The following MYCBP2 variants were observed in gnomAD, a reference collection of about 807,000 sequenced individuals.
MYCBP2 encodes E3 ubiquitin-protein ligase MYCBP2.
A neutral mutation model predicts 525.3 loss-of-function variants in MYCBP2; 120 were observed. The ratio of observed to expected loss-of-function variants is 0.23; its 90% CI spans 0.20 to 0.27. The LOEUF is 0.27. Ranked by LOEUF, MYCBP2 falls within the 10% of genes least tolerant of loss-of-function variation. The probability of loss-of-function intolerance (pLI) is 1.00; values close to 1 mark genes in which losing one functional copy is unlikely to be tolerated. For synonymous variants in MYCBP2, 1,894 were observed against 1,955.8 expected, an observed-to-expected ratio of 0.97 and a Z score of 0.83; for missense variants, 4,149 against 5,657.1, an observed-to-expected ratio of 0.73 and a Z score of 8.55.
At chr13:77,209,819 C>A (rs1310023306) in intron 23 of MYCBP2, among the ~76,000 whole-genome samples, 1 of 152,212 alleles carries the variant, frequency 6.6e-6, no homozygotes, top group Non-Finnish European at 1.5e-5. Flanking sequence ...AGTCTCTTCA[C>A]TCTGAATGCA....
At chr13:77,272,286 C>A (rs983525631) in intron 5 of MYCBP2, 5 of 152,260 alleles carry the variant, frequency 3.3e-5, no homozygotes, top group African/African-American at 1.2e-4. Context: ...CCAAAAATTT[C>A]TCCTGGCTGA....
chr13:77,247,470 G>T (rs144244516), intron 15 of MYCBP2, among the ~76,000 whole-genome samples: 302 of 152,240 alleles, frequency 2.0e-3, no homozygotes, highest in African/African-American at 6.6e-3. Context: ...TGGATTAGAA[G>T]ACTTAATGTT....
chr13:77,091,129 T>C (rs957259), intron 59 of MYCBP2, among the ~76,000 whole-genome samples: 66,912 of 151,732 alleles, frequency 0.44, 18,494 homozygotes, highest in Non-Finnish European at 0.62. Flanking sequence ...TTGGTAAAAT[T>C]ATCTATTTTC....
rs1355243694 is a variant in MYCBP2, at chr13:77,217,743, T to C, written c.3057+97A>G. 8.1e-6 allele frequency: 5 copies of C among 619,854 alleles called. No individual in the cohort carries two copies. The East Asian group carries it at 1.6e-4, about 20-fold the overall frequency. 38.4% of individuals were successfully genotyped at this position (619,854 alleles called of 1,614,324 possible). On this transcript the variant is annotated intron_variant, in intron 21 of 82. Transcript: ENST00000544440. ...ATATGTAACAATTATAATATAATTG[T>C]TATATTATATTCTGGAAACAGAAAA...
At chr13:77,145,509 T>C in intron 48 of MYCBP2, among the ~76,000 whole-genome samples, 1 of 152,148 alleles carries the variant, frequency 6.6e-6, no homozygotes, top group East Asian at 1.9e-4. Flanking sequence ...GCCATCTCAA[T>C]ATAGATGATT....
chr13:77,183,838 G>A (rs894677826), intron 32 of MYCBP2, among the ~76,000 whole-genome samples: 11 of 152,008 alleles, frequency 7.2e-5, no homozygotes, highest in Non-Finnish European at 7.4e-5. Context: ...ATGAGCCACC[G>A]TGCCCGGTGA....
At chr13:77,316,182 C>T (rs1045009870) in intron 1 of MYCBP2, among the ~76,000 whole-genome samples, 1 of 151,932 alleles carries the variant, frequency 6.6e-6, no homozygotes, top group African/African-American at 2.4e-5. Flanking sequence ...AGGGAATTTA[C>T]AAAACTATTA....
chr13:77,249,497 T>C (rs1025956902), intron 15 of MYCBP2, among the ~76,000 whole-genome samples: 1 of 152,194 alleles, frequency 6.6e-6, no homozygotes, highest in Non-Finnish European at 1.5e-5. Flanking sequence ...AGATAATTTA[T>C]AGATTTTGTT....
At chr13:77,318,811 T>C (rs1299070901) in intron 1 of MYCBP2, among the ~76,000 whole-genome samples, 2 of 152,206 alleles carry the variant, frequency 1.3e-5, no homozygotes, top group Non-Finnish European at 2.9e-5. Context: ...GTGTGCCTGT[T>C]AGACACAGAA....
chr13:77,082,064 A>T, intron 63 of MYCBP2, 71 bp from the exon 64 acceptor site: 1 of 1,291,622 alleles, frequency 7.7e-7, no homozygotes, highest in South Asian at 1.5e-5. Flanking sequence ...CTCTTAGATG[A>T]GTACTCTGTA....
At chr13:77,188,189 A>T (rs574302115) in intron 30 of MYCBP2, among the ~76,000 whole-genome samples, 6 of 152,006 alleles carry the variant, frequency 3.9e-5, no homozygotes, top group East Asian at 1.9e-4. Flanking sequence ...GGATACTTTT[A>T]TCTCATTCCT....
chr13:77,113,521 G>A (rs1179427988), intron 55 of MYCBP2, among the ~76,000 whole-genome samples: 2 of 152,042 alleles, frequency 1.3e-5, no homozygotes, highest in African/African-American at 4.8e-5. Flanking sequence ...AAGAAAGATG[G>A]TAATGAAGGG....
At chr13:77,288,483 A>G (rs1415320052) in intron 2 of MYCBP2, 107 bp from the exon 3 acceptor site, 1 of 922,360 alleles carries the variant, frequency 1.1e-6, no homozygotes, top group African/African-American at 1.7e-5. Flanking sequence ...CAGAAGACAC[A>G]TTATGTGACA....
intron 39 of MYCBP2, 113 bp downstream of exon 39, chr13:77,169,501 C>G (rs945895034): frequency 1.3e-6 from 1 of 755,620 alleles, no homozygotes; most frequent in Admixed American, 2.3e-5. Context: ...TGCTTGTTAC[C>G]TATATCCCAG....
Position 77,097,458 on chromosome 13 carries a change from T to A in MYCBP2, c.9696A>T (p.Val3232=), listed in dbSNP as rs189538079. The A allele has an allele frequency of 6.2e-7, 1 of 1,613,592 alleles. No homozygotes were observed. The highest frequency in any genetic ancestry group is 2.2e-5 in the East Asian group (1 of 44,800). Residue 3232 remains valine (V), a synonymous_variant, in exon 56 of 83, where the codon GTA becomes GTT. Transcript: ENST00000544440. ...NLFGEMAQLA[V]GGPEKDTICE... is the part of the protein sequence containing the mutation. Reference sequence around the variant, plus strand: ...AGATGGTATCTTTCTCTGGTCCTCCTACTGCCAGCTGGGCCATCTCTCCAA... The same window carrying A: ...AGATGGTATCTTTCTCTGGTCCTCCAACTGCCAGCTGGGCCATCTCTCCAA...
At chr13:77,319,217 T>A (rs2081309471) in intron 1 of MYCBP2, among the ~76,000 whole-genome samples, 1 of 151,940 alleles carries the variant, frequency 6.6e-6, no homozygotes, top group South Asian at 2.1e-4. Flanking sequence ...TTGGTGATAG[T>A]CAGTAGGCGA....
At chr13:77,246,289 A>C (rs2069922577) in intron 15 of MYCBP2, among the ~76,000 whole-genome samples, 1 of 152,154 alleles carries the variant, frequency 6.6e-6, no homozygotes. Flanking sequence ...ATCACTTACT[A>C]CACAGTAAAA....
Position 77,270,544 on chromosome 13 carries a change from CA to C in MYCBP2, c.946-7del, listed in dbSNP as rs1567113251. 6.3e-7 allele frequency: 1 copy of C among 1,580,262 alleles called. No homozygotes were observed. Among genetic ancestry groups the C allele is most frequent in the East Asian group, 2.3e-5 (1 of 44,364 alleles). ...GAATTTAGAATTGTTGGCACCTAAT[CA>C]AAAGAGAAGAAAAATAATGAAAAAA... On this transcript the variant is annotated splice_region_variant and splice_polypyrimidine_tract_variant and intron_variant, in intron 5 of 82. Transcript: ENST00000544440.
intron 1 of MYCBP2, among the ~76,000 whole-genome samples, chr13:77,313,980 C>T (rs1356943445): frequency 1.3e-5 from 2 of 151,708 alleles, no homozygotes; most frequent in Admixed American, 6.6e-5. Flanking sequence ...TCAGAATGGC[C>T]AAAATCCAGA....
Sources: allele counts gnomAD v4.1 joint callset (sites outside exome capture counted in the v4.1 genomes callset), GRCh38; gene constraint gnomAD v4.1.1; transcripts MANE v1.5; gene names NCBI Gene and HGNC (gene_info 2026-07-23, HGNC 2026-07-21).